The following DAOA variants were observed in gnomAD, a reference collection of about 807,000 sequenced individuals.
The protein encoded by DAOA is D-amino acid oxidase regulator.
In DAOA, 15 loss-of-function variants were observed where a neutral mutation model predicts 16.4. The observed-to-expected ratio is 0.91, with a 90% confidence interval of 0.61 to 1.41. The LOEUF (loss-of-function observed/expected upper bound fraction) is 1.41. DAOA is among the 40% of genes most tolerant of loss of function. The pLI, the probability that DAOA is intolerant of heterozygous loss-of-function variation, is 0.00. For synonymous variants in DAOA, 75 were observed against 59.1 expected (o/e 1.27, Z -1.23); for missense variants, 230 against 176.8 (o/e 1.30, Z -1.71).
rs757009026 is a variant in DAOA at position 105,489,984 on chromosome 13, G to T, written c.365G>T (p.Arg122Leu). Residue 122 changes from arginine (R) to leucine (L), a missense_variant, in exon 5 of 6, where the codon CGC becomes CTC. By Grantham distance (102) the Arg-to-Leu change is moderately radical (BLOSUM62 -2). Coordinates refer to ENST00000375936, the MANE Select transcript of DAOA (RefSeq NM_172370.5). ...EFLAYEASKD[R>L]RQPLERMWTC... ...CTTGCCTATGAGGCCTCTAAGGACCGCAGGCAGCCTCTAGAACGAATGTGG... is the reference window on the plus strand; with the variant it reads ...CTTGCCTATGAGGCCTCTAAGGACCTCAGGCAGCCTCTAGAACGAATGTGG... The T allele has an allele frequency of 5.6e-6, 9 of 1,613,166 alleles. No individual in the cohort carries two copies. The highest frequency in any genetic ancestry group is 7.6e-6 in the Non-Finnish European group (9 of 1,179,720).
chr13:105,480,527 CATAGATAGATAGATAG>C (rs59797400), intron 4 of DAOA, among the ~76,000 whole-genome samples: 5,272 of 146,712 alleles, frequency 0.036, 115 homozygotes, highest in South Asian at 0.061. Context: ...TGGATAGATA[CATAGATAGATAGATAG>C]ATAGATAGAT....
rs899064738 is a variant in DAOA, at chr13:105,490,146, C to A, written c.*65C>A. 1.7e-5 allele frequency: 25 copies of A among 1,499,458 alleles called. 1 individual carries two copies. In the Admixed American group the frequency reaches 3.2e-4, roughly 19 times the overall value. 92.9% of individuals were successfully genotyped at this position (1,499,458 alleles called of 1,614,324 possible). On this transcript the variant is annotated 3_prime_UTR_variant, in exon 5 of 6. Transcript: ENST00000375936. ...CAATGTAGTCTGGCCAACATCTTCA[C>A]TGGACTCTGACGGACTCTGTGTCTG...
At chr13:105,477,801 A>G (rs1426378939) in intron 4 of DAOA, among the ~76,000 whole-genome samples, 1 of 152,220 alleles carries the variant, frequency 6.6e-6, no homozygotes, top group Admixed American at 6.5e-5. Flanking sequence ...TATCTACCAG[A>G]GCAATTTAAT....
intron 4 of DAOA, among the ~76,000 whole-genome samples, chr13:105,486,880 A>G (rs944278542): frequency 1.3e-5 from 2 of 152,120 alleles, no homozygotes; most frequent in African/African-American, 2.4e-5. Context: ...TCGGCATCCC[A>G]TAGTGCTGAG....
intron 4 of DAOA, among the ~76,000 whole-genome samples, chr13:105,486,449 G>A (rs1460321009): frequency 3.3e-5 from 5 of 152,090 alleles, no homozygotes; most frequent in African/African-American, 1.2e-4. Context: ...CTGTTTCTGG[G>A]TGGCTCTCTC....
At chr13:105,472,837 A>G (rs1007140115) in intron 4 of DAOA, 152 bp downstream of exon 4, 3 of 581,686 alleles carry the variant, frequency 5.2e-6, no homozygotes, top group Non-Finnish European at 8.0e-6. Flanking sequence ...TCTATTACAT[A>G]GGAACCATTT....
chr13:105,467,145 T>A lies in DAOA; in HGVS notation c.133+4T>A. ...GAAAACTCTCTAAACTCTATTGGTA[T>A]GTTACTCTTTATCTTTATATGAATT... On this transcript the variant is annotated splice_donor_region_variant and intron_variant, in intron 3 of 5. Coordinates refer to ENST00000375936, the MANE Select transcript of DAOA (RefSeq NM_172370.5). The A allele has an allele frequency of 2.5e-6, 4 of 1,600,040 alleles. No individual in the cohort carries two copies. Among genetic ancestry groups the A allele is most frequent in the Non-Finnish European group, 3.4e-6 (4 of 1,172,652 alleles).
At chr13:105,470,146 G>T (rs1566373329) in intron 3 of DAOA, among the ~76,000 whole-genome samples, 1 of 146,688 alleles carries the variant, frequency 6.8e-6, no homozygotes. Context: ...GAAGAGACTA[G>T]AGTTATATTC....
intron 4 of DAOA, chr13:105,475,024 G>C (rs929639791): frequency 2.0e-6 from 2 of 985,754 alleles, no homozygotes; most frequent in Non-Finnish European, 1.2e-6. Context: ...CATTTTAAAA[G>C]AATTTCTCAG....
In DAOA at chr13:105,471,090, T is replaced by C. The variant is rs142706064; in HGVS notation, c.134-1448T>C. On this transcript the variant is annotated intron_variant, in intron 3 of 5. Coordinates refer to ENST00000375936, the MANE Select transcript of DAOA (RefSeq NM_172370.5). ...GGCATGAGCCACCGTGCCCGGCCAA[T>C]TTTTTTGTATTCTTAGTAGAGACAG... Among the ~76,000 whole-genome samples, 1,116 of 151,950 alleles carry C rather than the reference T, an allele frequency of 7.3e-3. 9 individuals are homozygous for C. Among genetic ancestry groups the C allele is most frequent in the Non-Finnish European group, 0.012 (816 of 67,930 alleles).
At chr13:105,471,384 C>G (rs1428748613) in intron 3 of DAOA, among the ~76,000 whole-genome samples, 3 of 152,054 alleles carry the variant, frequency 2.0e-5, no homozygotes, top group African/African-American at 7.2e-5. Context: ...AGAACCAGTT[C>G]CAGGACAAAT....
intron 4 of DAOA, among the ~76,000 whole-genome samples, chr13:105,486,617 C>CTTTT (rs758250616): frequency 7.6e-6 from 1 of 132,252 alleles, no homozygotes. Flanking sequence ...TTCTTTCTTT[C>CTTTT]TTTCTTTTTT....
At position 105,489,932 on chromosome 13, in the gene DAOA, G is replaced by C. The variant is rs1273698608; in HGVS notation, c.313G>C (p.Val105Leu). The change falls in exon 5 of 6, where the codon GTC becomes CTC. Residue 105 changes from valine (V) to leucine (L), a missense_variant. By Grantham distance (32) the Val-to-Leu change is conservative (BLOSUM62 1). Transcript: ENST00000375936. Reference protein sequence around the residue: ...LEEVSSHVGKVFMARNYEFLA... With the variant: ...LEEVSSHVGKLFMARNYEFLA... ...AGAAGTAAGCAGCCATGTTGGAAAAGTCTTCATGGCAAGAAACTATGAGTT... is the reference window on the plus strand; with the variant it reads ...AGAAGTAAGCAGCCATGTTGGAAAACTCTTCATGGCAAGAAACTATGAGTT... The C allele has an allele frequency of 3.1e-6, 5 of 1,613,868 alleles. No individual in the cohort carries two copies. The Admixed American group carries it at 8.3e-5, about 27-fold the overall frequency.
intron 1 of DAOA, 78 bp downstream of exon 1, chr13:105,466,138 G>A (rs1345635098): frequency 4.0e-5 from 48 of 1,211,626 alleles, no homozygotes; most frequent in Non-Finnish European, 5.1e-5. Flanking sequence ...ATGATCTTTT[G>A]CTGCAAAAGA....
chr13:105,477,569 T>A (rs9284225), intron 4 of DAOA, among the ~76,000 whole-genome samples: 54,414 of 151,742 alleles, frequency 0.36, 9,849 homozygotes, highest in African/African-American at 0.4. Context: ...ACAAAGAATT[T>A]AAAAATTAGC....
In DAOA at chr13:105,467,106, T is replaced by G. The variant is rs1005130961; in HGVS notation, c.98T>G (p.Leu33Arg). The stretch of plus-strand genomic sequence containing the variant: ...TTCATAGGTTTTCAAAGGAGCATTC[T>G]TCTGAGCAAATCTGAAAACTCTCTA... ...IYFIGFQRSI[L>R]LSKSENSLNS... The change falls in exon 3 of 6, where the codon CTT becomes CGT. Residue 33 changes from leucine (L) to arginine (R), a missense_variant. Physicochemically the swap from Leu to Arg is moderately radical, Grantham distance 102. Coordinates refer to ENST00000375936, the MANE Select transcript of DAOA (RefSeq NM_172370.5). 6.2e-7 allele frequency: 1 copy of G among 1,610,992 alleles called. No individual in the cohort carries two copies. Among genetic ancestry groups the G allele is most frequent in the East Asian group, 2.2e-5 (1 of 44,666 alleles).
At chr13:105,485,135 T>C (rs1241304970) in intron 4 of DAOA, among the ~76,000 whole-genome samples, 15 of 152,212 alleles carry the variant, frequency 9.9e-5, no homozygotes, top group Non-Finnish European at 1.5e-5. Context: ...ATTATCTGGT[T>C]GAGGAAAGTT....
chr13:105,478,180 C>A (rs1298272233), intron 4 of DAOA, among the ~76,000 whole-genome samples: 1 of 152,174 alleles, frequency 6.6e-6, no homozygotes, highest in Non-Finnish European at 1.5e-5. Flanking sequence ...AGCTGCACTT[C>A]AATGAAAAAT....
intron 4 of DAOA, among the ~76,000 whole-genome samples, chr13:105,478,470 G>A (rs75314686): frequency 1.3e-5 from 2 of 152,090 alleles, no homozygotes; most frequent in Non-Finnish European, 2.9e-5. Context: ...TTTCTTAGGG[G>A]CTTATATAAA....
Sources: allele counts gnomAD v4.1 joint callset (sites outside exome capture counted in the v4.1 genomes callset), GRCh38; gene constraint gnomAD v4.1.1; transcripts MANE v1.5; gene names NCBI Gene and HGNC (gene_info 2026-07-23, HGNC 2026-07-21).